The following VWA3B variants were observed in gnomAD, a reference collection of about 807,000 sequenced individuals.
The protein encoded by VWA3B is von Willebrand factor A domain-containing protein 3B.
In VWA3B, 138 loss-of-function variants were observed where a neutral mutation model predicts 158.3. That is an observed-to-expected ratio of 0.87 (90% CI 0.76 to 1.00). VWA3B has a LOEUF of 1.00. VWA3B is among the 50% of genes least tolerant of loss of function. The pLI is 0.00. For missense variants in VWA3B, 1,555 were observed against 1,565.1 expected (o/e 0.99, Z 0.11); for synonymous variants, 596 against 587.3 (o/e 1.01, Z -0.21).
At chr2:98,224,590 A>G (rs1684765681) in intron 14 of VWA3B, among the ~76,000 whole-genome samples, 1 of 150,982 alleles carries the variant, frequency 6.6e-6, no homozygotes, top group African/African-American at 2.4e-5. Context: ...GAATTGTAAG[A>G]AAAAAAAAGT....
intron 10 of VWA3B, among the ~76,000 whole-genome samples, chr2:98,190,303 C>T (rs1558654869): frequency 6.6e-6 from 1 of 152,164 alleles, no homozygotes; most frequent in Non-Finnish European, 1.5e-5. Context: ...TTACAGGAAT[C>T]TTACAACTTT....
At chr2:98,129,352 A>AAG (rs758598269) in intron 6 of VWA3B, among the ~76,000 whole-genome samples, 1 of 148,216 alleles carries the variant, frequency 6.7e-6, no homozygotes, top group Middle Eastern at 3.5e-3. Context: ...GAGACGGAGA[A>AAG]AGAGAGAGAG....
intron 2 of VWA3B, among the ~76,000 whole-genome samples, chr2:98,104,158 A>G (rs537618299): frequency 3.9e-5 from 6 of 152,344 alleles, no homozygotes; most frequent in African/African-American, 1.2e-4. Flanking sequence ...GCAGTTGCAT[A>G]TGTCTTAATT....
chr2:98,267,328 C>G (rs1333763511), intron 21 of VWA3B, among the ~76,000 whole-genome samples: 1 of 152,116 alleles, frequency 6.6e-6, no homozygotes, highest in Non-Finnish European at 1.5e-5. Context: ...GTCTTTGGCT[C>G]TGTTTATATG....
intron 13 of VWA3B, 69 bp from the exon 14 acceptor site, chr2:98,217,777 T>C (rs1684150787): frequency 7.1e-7 from 1 of 1,414,246 alleles, no homozygotes; most frequent in Non-Finnish European, 9.4e-7. Context: ...ATACTAAGGA[T>C]TTTCATATTC....
At chr2:98,224,941 CAT>C in intron 14 of VWA3B, among the ~76,000 whole-genome samples, 1 of 151,978 alleles carries the variant, frequency 6.6e-6, no homozygotes, top group South Asian at 2.1e-4. Context: ...GGACTTACTC[CAT>C]ATATACAAGA....
intron 12 of VWA3B, 124 bp downstream of exon 12, chr2:98,194,616 G>A: frequency 2.6e-6 from 3 of 1,159,034 alleles, no homozygotes; most frequent in Non-Finnish European, 3.6e-6. Context: ...GGCTTAACAT[G>A]TAGACTTTTG....
chr2:98,302,091 C>A (rs1445785820), intron 25 of VWA3B, among the ~76,000 whole-genome samples: 1 of 152,126 alleles, frequency 6.6e-6, no homozygotes, highest in African/African-American at 2.4e-5. Context: ...CCAGTGTGGC[C>A]CCAGCCGGCT....
rs746377998 is a variant in VWA3B at position 98,115,738 on chromosome 2, G to A, written c.283G>A (p.Val95Ile). Reference sequence around the variant, plus strand: ...GCTCTACAGAGCAGAAGATGGCAGAGTATACAATGTAAGTCAGAGTTCCCT... The same window carrying A: ...GCTCTACAGAGCAGAAGATGGCAGAATATACAATGTAAGTCAGAGTTCCCT... ...PQLYRAEDGR[V>I]YNLTAKSELI... is the part of the protein sequence containing the mutation. Residue 95 changes from valine to isoleucine, a missense_variant, in exon 3 of 28, where the codon GTA becomes ATA. By Grantham distance (29) the Val-to-Ile change is conservative (BLOSUM62 3). Coordinates refer to ENST00000477737, the MANE Select transcript of VWA3B (RefSeq NM_144992.5). 2.5e-6 allele frequency: 4 copies of A among 1,612,822 alleles called. No individual in the cohort carries two copies. In the African/African-American group the frequency reaches 4.0e-5, roughly 16 times the overall value.
At chr2:98,208,013 T>C (rs1422331538) in intron 12 of VWA3B, among the ~76,000 whole-genome samples, 1 of 152,108 alleles carries the variant, frequency 6.6e-6, no homozygotes, top group Non-Finnish European at 1.5e-5. Context: ...TTCATCTCCA[T>C]CAAATTTTGC....
At chr2:98,209,181 G>A (rs1047488377) in intron 12 of VWA3B, among the ~76,000 whole-genome samples, 1 of 152,050 alleles carries the variant, frequency 6.6e-6, no homozygotes, top group African/African-American at 2.4e-5. Context: ...TAAATACAAT[G>A]TGTCTTGGTG....
chr2:98,101,658 G>T (rs2104853175), intron 2 of VWA3B, among the ~76,000 whole-genome samples: 1 of 152,242 alleles, frequency 6.6e-6, no homozygotes, highest in East Asian at 1.9e-4. Flanking sequence ...CATTCAAATG[G>T]CAAGGCCTTG....
intron 21 of VWA3B, among the ~76,000 whole-genome samples, chr2:98,259,438 G>A (rs938426925): frequency 6.6e-6 from 1 of 151,482 alleles, no homozygotes; most frequent in Non-Finnish European, 1.5e-5. Context: ...TGTTATATAG[G>A]CTGTTGAGTT....
intron 21 of VWA3B, among the ~76,000 whole-genome samples, chr2:98,259,397 G>A (rs920103611): frequency 6.6e-6 from 1 of 151,572 alleles, no homozygotes; most frequent in Non-Finnish European, 1.5e-5. Context: ...TTTGTTGGGG[G>A]ATTTTTTATT....
At chr2:98,124,135 A>G (rs183709920) in intron 5 of VWA3B, among the ~76,000 whole-genome samples, 39 of 152,326 alleles carry the variant, frequency 2.6e-4, no homozygotes, top group African/African-American at 8.2e-4. Context: ...CTGGCAGTTC[A>G]TTTATTTCCT....
At chr2:98,260,822 A>T (rs1416203681) in intron 21 of VWA3B, among the ~76,000 whole-genome samples, 1 of 151,798 alleles carries the variant, frequency 6.6e-6, no homozygotes. Context: ...TAACAAATCT[A>T]TTTTGCTGGT....
At chr2:98,227,000 C>T (rs1684963798) in intron 14 of VWA3B, among the ~76,000 whole-genome samples, 1 of 152,158 alleles carries the variant, frequency 6.6e-6, no homozygotes, top group South Asian at 2.1e-4. Flanking sequence ...TAAGGATGCC[C>T]TCTCTCACCA....
chr2:98,296,495 T>A (rs930607812), intron 23 of VWA3B, among the ~76,000 whole-genome samples: 1 of 152,216 alleles, frequency 6.6e-6, no homozygotes, highest in Admixed American at 6.5e-5. Flanking sequence ...TAAGCTGGCT[T>A]GAGTGTGCAT....
chr2:98,212,571 A>G (rs1683620268), intron 13 of VWA3B, among the ~76,000 whole-genome samples: 1 of 152,258 alleles, frequency 6.6e-6, no homozygotes, highest in Non-Finnish European at 1.5e-5. Flanking sequence ...GGAGTACTCC[A>G]GGCATTAAAT....
Sources: gnomAD v4.1 joint callset for allele counts (sites outside exome capture counted in the v4.1 genomes callset) on GRCh38, gnomAD v4.1.1 for gene constraint, MANE v1.5 for transcripts, NCBI Gene and HGNC (gene_info 2026-07-23, HGNC 2026-07-21) for gene names.